ZFPM2: variants seen among roughly 807,000 people sequenced by gnomAD.
The protein encoded by ZFPM2 is zinc finger protein ZFPM2.
Under a neutral mutation model 98.6 loss-of-function variants are expected in ZFPM2, and 20 were observed. That is an observed-to-expected ratio of 0.20 (90% CI 0.14 to 0.29). The LOEUF is 0.29. Among genes scored for constraint, ZFPM2 ranks in the 10% least tolerant of loss-of-function variants. The probability of loss-of-function intolerance (pLI) is 1.00; values close to 1 mark genes in which losing one functional copy is unlikely to be tolerated. For missense variants in ZFPM2, 1,310 were observed against 1,388.6 expected (o/e 0.94, Z 0.90); for synonymous variants, 518 against 502.7 (o/e 1.03, Z -0.41).
At chr8:105,674,889 C>A (rs1304984207) in intron 5 of ZFPM2, among the ~76,000 whole-genome samples, 1 of 152,076 alleles carries the variant, frequency 6.6e-6, no homozygotes, top group East Asian at 1.9e-4. Flanking sequence ...TCAACATAAA[C>A]CCATAGATCT....
intron 3 of ZFPM2, among the ~76,000 whole-genome samples, chr8:105,504,593 G>C (rs1563689356): frequency 6.6e-6 from 1 of 152,158 alleles, no homozygotes. Flanking sequence ...AAAAAACACT[G>C]TAAGTTTAAT....
chr8:105,708,019 A>T (rs1811301657), intron 5 of ZFPM2, among the ~76,000 whole-genome samples: 1 of 152,234 alleles, frequency 6.6e-6, no homozygotes, highest in Non-Finnish European at 1.5e-5. Flanking sequence ...ATATGGTTCC[A>T]CCCTAACTGC....
chr8:105,345,434 T>C (rs1251112469), intron 1 of ZFPM2, among the ~76,000 whole-genome samples: 1 of 148,146 alleles, frequency 6.8e-6, no homozygotes, highest in African/African-American at 2.5e-5. Flanking sequence ...TCTTTTTTTT[T>C]TTTTTTTTTT....
At chr8:105,403,118 G>A (rs1811372530) in intron 1 of ZFPM2, among the ~76,000 whole-genome samples, 1 of 151,950 alleles carries the variant, frequency 6.6e-6, no homozygotes, top group African/African-American at 2.4e-5. Context: ...ATATAACAAA[G>A]ATAAACTTAG....
chr8:105,457,486 A>C (rs974201243), intron 3 of ZFPM2, among the ~76,000 whole-genome samples: 1 of 152,236 alleles, frequency 6.6e-6, no homozygotes, highest in Non-Finnish European at 1.5e-5. Flanking sequence ...ACAGAGGAGA[A>C]GATAGACAAA....
Position 105,408,101 on chromosome 8 carries a change from A to C in ZFPM2, c.41-11043A>C, listed in dbSNP as rs74561717. On this transcript the variant is annotated intron_variant, in intron 1 of 7. Transcript: ENST00000407775. Reference sequence around the variant, plus strand: ...AGGCAGGGGATATTTTCTTTTTAAGATAGCCCTTAGATGCTTCCTACAGGT... The same window carrying C: ...AGGCAGGGGATATTTTCTTTTTAAGCTAGCCCTTAGATGCTTCCTACAGGT... Among the ~76,000 whole-genome samples, 554 of 152,004 alleles carry C rather than the reference A, an allele frequency of 3.6e-3. 8 individuals carry two copies. The highest frequency in any genetic ancestry group is 0.012 in the African/African-American group (514 of 41,508).
At chr8:105,786,699 A>G (rs117665481) in intron 5 of ZFPM2, among the ~76,000 whole-genome samples, 2,822 of 152,308 alleles carry the variant, frequency 0.019, 38 homozygotes, top group South Asian at 0.046. Flanking sequence ...TGAAGTTAGT[A>G]TTTTTGAATT....
chr8:105,783,732 G>C (rs1365198857), intron 5 of ZFPM2, among the ~76,000 whole-genome samples: 1 of 152,054 alleles, frequency 6.6e-6, no homozygotes, highest in Non-Finnish European at 1.5e-5. Flanking sequence ...TTTCAAGGCG[G>C]AATAATATTC....
chr8:105,402,772 C>A (rs1405754342), intron 1 of ZFPM2, among the ~76,000 whole-genome samples: 1 of 152,000 alleles, frequency 6.6e-6, no homozygotes, highest in Non-Finnish European at 1.5e-5. Context: ...AAATTACTTT[C>A]TAAGCACAGT....
intron 3 of ZFPM2, among the ~76,000 whole-genome samples, chr8:105,548,038 T>C (rs1479791379): frequency 2.6e-5 from 4 of 152,106 alleles, no homozygotes; most frequent in Non-Finnish European, 5.9e-5. Context: ...AGGTAATTTA[T>C]ATAATTGTGG....
chr8:105,582,785 G>A (rs1253835378), intron 4 of ZFPM2, among the ~76,000 whole-genome samples: 3 of 152,034 alleles, frequency 2.0e-5, no homozygotes, highest in Admixed American at 2.0e-4. Context: ...GTAGAGACAG[G>A]GTTTTCCCAT....
intron 2 of ZFPM2, among the ~76,000 whole-genome samples, chr8:105,423,724 A>C (rs1330517970): frequency 2.0e-5 from 3 of 152,192 alleles, no homozygotes; most frequent in East Asian, 1.9e-4. Context: ...CAATATGAAC[A>C]GAAATATAGG....
chr8:105,716,229 T>C (rs1306678221), intron 5 of ZFPM2, among the ~76,000 whole-genome samples: 1 of 150,268 alleles, frequency 6.7e-6, no homozygotes, highest in Non-Finnish European at 1.5e-5. Flanking sequence ...TATATATTGA[T>C]TTTATCTATA....
chr8:105,591,591 T>C (rs1360926306), intron 4 of ZFPM2, among the ~76,000 whole-genome samples: 1 of 152,004 alleles, frequency 6.6e-6, no homozygotes, highest in Non-Finnish European at 1.5e-5. Flanking sequence ...TAAAGACTTG[T>C]TTTTTTAATA....
intron 4 of ZFPM2, among the ~76,000 whole-genome samples, chr8:105,614,109 T>C (rs1816364978): frequency 6.6e-6 from 1 of 152,184 alleles, no homozygotes; most frequent in South Asian, 2.1e-4. Flanking sequence ...CTTAGTTCTC[T>C]TACCCATTTT....
rs542003026 is a variant in ZFPM2, at chr8:105,520,617, G to A, written c.302-40746G>A. 8.5e-5 allele frequency among the ~76,000 whole-genome samples: 13 copies of A among 152,140 alleles called. No individual in the cohort carries two copies. In the East Asian group the frequency reaches 1.7e-3, roughly 20 times the overall value. ...TTAATCTAGTTGGGTAGATAGGCAC[G>A]TGCATAGGAGCAGATGGTTGATTGT... On this transcript the variant is annotated intron_variant, in intron 3 of 7. Coordinates refer to ENST00000407775, the MANE Select transcript of ZFPM2 (RefSeq NM_012082.4).
At chr8:105,695,448 T>G (rs1405670139) in intron 5 of ZFPM2, among the ~76,000 whole-genome samples, 3 of 151,610 alleles carry the variant, frequency 2.0e-5, no homozygotes, top group South Asian at 2.1e-4. Context: ...ATGCTTCTTT[T>G]TGTTTAACTG....
In ZFPM2 at chr8:105,634,424, A is replaced by G. The variant is rs554350418; in HGVS notation, c.532+67A>G. The stretch of plus-strand genomic sequence containing the variant: ...AACCTGAGCATTGCAAAACAGCACC[A>G]GAAGAGCTGGAATGGAAGTACAAAG... On this transcript the variant is annotated intron_variant, in intron 5 of 7. Coordinates refer to ENST00000407775, the MANE Select transcript of ZFPM2 (RefSeq NM_012082.4). The G allele has an allele frequency of 1.7e-4, 206 of 1,243,878 alleles. 1 individual carries two copies. The African/African-American group carries it at 2.9e-3, about 18-fold the overall frequency. The allele number at this position is 1,243,878 out of a possible 1,614,324, so 77.1% of individuals were successfully genotyped here.
At chr8:105,359,306 C>T (rs1268768631) in intron 1 of ZFPM2, among the ~76,000 whole-genome samples, 2 of 151,864 alleles carry the variant, frequency 1.3e-5, no homozygotes, top group Admixed American at 6.6e-5. Flanking sequence ...TCAATTAAAC[C>T]TCCTTTCTTT....
Sources: allele counts gnomAD v4.1 joint callset (sites outside exome capture counted in the v4.1 genomes callset), GRCh38; gene constraint gnomAD v4.1.1; transcripts MANE v1.5; gene names NCBI Gene and HGNC (gene_info 2026-07-23, HGNC 2026-07-21).